CWC27: variants seen among roughly 807,000 people sequenced by gnomAD.
CWC27 encodes the protein CWC27 spliceosome associated cyclophilin.
Under a neutral mutation model 63.6 loss-of-function variants are expected in CWC27, and 47 were observed. That is an observed-to-expected ratio of 0.74 (90% CI 0.58 to 0.94). CWC27 has a LOEUF of 0.94. CWC27 is among the 40% of genes least tolerant of loss of function. The pLI, the probability that CWC27 is intolerant of heterozygous loss-of-function variation, is 0.00. For synonymous variants in CWC27, 175 were observed against 179.8 expected (o/e 0.97, Z 0.22); for missense variants, 495 against 554.3 (o/e 0.89, Z 1.07).
intron 10 of CWC27, among the ~76,000 whole-genome samples, chr5:64,875,424 T>C (rs1461565278): frequency 6.6e-6 from 1 of 152,170 alleles, no homozygotes; most frequent in Non-Finnish European, 1.5e-5. Flanking sequence ...GATTAAATGT[T>C]ATCTTTTGAT....
chr5:64,943,815 C>A (rs1003520230), intron 11 of CWC27, among the ~76,000 whole-genome samples: 1 of 152,000 alleles, frequency 6.6e-6, no homozygotes, highest in Non-Finnish European at 1.5e-5. Context: ...TCCTTTTGGG[C>A]CTTTCTTTTC....
At chr5:64,961,970 T>C in intron 11 of CWC27, among the ~76,000 whole-genome samples, 1 of 152,214 alleles carries the variant, frequency 6.6e-6, no homozygotes, top group East Asian at 1.9e-4. Context: ...GAATAGTCAT[T>C]ATAATGCATC....
chr5:64,828,674 A>C (rs1020466797), intron 10 of CWC27, among the ~76,000 whole-genome samples: 1 of 152,102 alleles, frequency 6.6e-6, no homozygotes. Context: ...CTTATTTTAC[A>C]GATAAAGCTT....
chr5:64,790,594 A>G (rs943539142), intron 7 of CWC27, among the ~76,000 whole-genome samples: 8 of 152,174 alleles, frequency 5.3e-5, no homozygotes, highest in African/African-American at 1.9e-4. Flanking sequence ...TCCTTTTGCC[A>G]GGAGTATGCT....
intron 13 of CWC27, among the ~76,000 whole-genome samples, chr5:64,999,218 T>A (rs1315634711): frequency 6.6e-6 from 1 of 152,132 alleles, no homozygotes; most frequent in Non-Finnish European, 1.5e-5. Context: ...AAACACTTTT[T>A]AATTTATTTC....
intron 10 of CWC27, chr5:64,807,734 T>G: frequency 3.9e-6 from 6 of 1,535,926 alleles, no homozygotes; most frequent in Non-Finnish European, 5.2e-6. Flanking sequence ...TATTACTCAC[T>G]CGCCACAATG....
chr5:64,958,600 C>T (rs1358505030), intron 11 of CWC27, among the ~76,000 whole-genome samples: 3 of 151,990 alleles, frequency 2.0e-5, no homozygotes, highest in East Asian at 1.9e-4. Context: ...AAAATACAGT[C>T]GAAAATCAGT....
chr5:64,891,791 T>TGTTGTC (rs750324073), intron 11 of CWC27, among the ~76,000 whole-genome samples: 1,620 of 151,738 alleles, frequency 0.011, 25 homozygotes, highest in African/African-American at 0.037. Context: ...TTGTTGTTGT[T>TGTTGTC]GTTGTTGTTG....
intron 10 of CWC27, among the ~76,000 whole-genome samples, chr5:64,862,881 G>A (rs758340418): frequency 5.9e-5 from 9 of 152,092 alleles, no homozygotes; most frequent in Non-Finnish European, 7.4e-5. Context: ...GTTCATAGAT[G>A]GCCATCTTCT....
At chr5:64,903,604 G>A (rs1747556401) in intron 11 of CWC27, among the ~76,000 whole-genome samples, 1 of 151,938 alleles carries the variant, frequency 6.6e-6, no homozygotes, top group South Asian at 2.1e-4. Context: ...ATGATGTATT[G>A]ATAGGTGCAG....
chr5:64,978,732 A>G lies in CWC27; in HGVS notation c.1256+1494A>G, dbSNP rs564632266. 8.6e-5 allele frequency among the ~76,000 whole-genome samples: 13 copies of G among 151,764 alleles called. No individual in the cohort carries two copies. In the South Asian group the frequency reaches 2.1e-3, roughly 24 times the overall value. ...TCCTCTTCCCTTTATTTTTGAATCCATATGCATTTTTGAAGGAAATATGAC... is the reference window on the plus strand; with the variant it reads ...TCCTCTTCCCTTTATTTTTGAATCCGTATGCATTTTTGAAGGAAATATGAC... On this transcript the variant is annotated intron_variant, in intron 13 of 13. Coordinates refer to ENST00000381070, the MANE Select transcript of CWC27 (RefSeq NM_005869.4).
intron 11 of CWC27, among the ~76,000 whole-genome samples, chr5:64,934,346 T>C (rs1025758420): frequency 1.3e-5 from 2 of 152,188 alleles, no homozygotes; most frequent in African/African-American, 4.8e-5. Context: ...AGTGAGAACA[T>C]GTGGTGTTTG....
intron 10 of CWC27, among the ~76,000 whole-genome samples, chr5:64,831,522 A>G (rs560450962): frequency 3.3e-5 from 5 of 150,834 alleles, no homozygotes; most frequent in Non-Finnish European, 5.9e-5. Flanking sequence ...AGACAGACAC[A>G]TAGATAGATA....
At chr5:64,845,260 A>G (rs1246244658) in intron 10 of CWC27, among the ~76,000 whole-genome samples, 4 of 152,160 alleles carry the variant, frequency 2.6e-5, no homozygotes, top group Non-Finnish European at 2.9e-5. Flanking sequence ...AAGAACACCT[A>G]TTGTAAAGGC....
chr5:64,784,365 G>A (rs1743807764), intron 4 of CWC27, among the ~76,000 whole-genome samples: 1 of 152,092 alleles, frequency 6.6e-6, no homozygotes, highest in Admixed American at 6.5e-5. Flanking sequence ...GTTTAAAGTG[G>A]AATTTGTGTT....
At chr5:64,773,083 C>G (rs894095166) in intron 1 of CWC27, among the ~76,000 whole-genome samples, 1 of 151,896 alleles carries the variant, frequency 6.6e-6, no homozygotes, top group African/African-American at 2.4e-5. Context: ...TATAAACAAG[C>G]AAATCATAAG....
At chr5:64,809,951 A>G (rs1246450294) in intron 10 of CWC27, among the ~76,000 whole-genome samples, 9 of 150,774 alleles carry the variant, frequency 6.0e-5, no homozygotes, top group Non-Finnish European at 1.2e-4. Context: ...TGGGAGTCCT[A>G]TCCAAGAAAT....
intron 10 of CWC27, among the ~76,000 whole-genome samples, chr5:64,838,405 T>TACAG (rs1231726937): frequency 6.6e-6 from 1 of 152,166 alleles, no homozygotes; most frequent in Non-Finnish European, 1.5e-5. Context: ...ATATACAATA[T>TACAG]ACAGATAGGG....
At chr5:64,822,458 G>A (rs900051329) in intron 10 of CWC27, among the ~76,000 whole-genome samples, 3 of 152,166 alleles carry the variant, frequency 2.0e-5, no homozygotes, top group Non-Finnish European at 4.4e-5. Context: ...ATTAATTTTA[G>A]GCCTTGAAGA....
Sources: gnomAD v4.1 joint callset for allele counts (sites outside exome capture counted in the v4.1 genomes callset) on GRCh38, gnomAD v4.1.1 for gene constraint, MANE v1.5 for transcripts, NCBI Gene and HGNC (gene_info 2026-07-23, HGNC 2026-07-21) for gene names.